Variants in FRA10AC1 observed in about 807,000 individuals in gnomAD.
FRA10AC1 encodes protein FRA10AC1.
In FRA10AC1, 43 loss-of-function variants were observed where a neutral mutation model predicts 56.5. The observed-to-expected ratio is 0.76, with a 90% CI of 0.60 to 0.98. The LOEUF is 0.98. Among genes scored for constraint, FRA10AC1 ranks in the 50% least tolerant of loss-of-function variants. FRA10AC1 has a pLI of 0.00. For synonymous variants in FRA10AC1, 112 were observed against 110.5 expected, an observed-to-expected ratio of 1.01 and a Z score of -0.09; for missense variants, 346 against 351.8, an observed-to-expected ratio of 0.98 and a Z score of 0.13.
chr10:93,682,429 A>G (rs1370043409), intron 10 of FRA10AC1, among the ~76,000 whole-genome samples: 1 of 152,218 alleles, frequency 6.6e-6, no homozygotes. Flanking sequence ...TCAAAAGTCA[A>G]GGTCAAAACA....
chr10:93,694,506 G>C (rs922986783), intron 5 of FRA10AC1, among the ~76,000 whole-genome samples: 2 of 151,914 alleles, frequency 1.3e-5, no homozygotes, highest in Non-Finnish European at 2.9e-5. Flanking sequence ...ACAAGGTCAC[G>C]AGTTCAAGAC....
intron 5 of FRA10AC1, among the ~76,000 whole-genome samples, chr10:93,693,499 TATATATATACACCATATATATATATATAC>T (rs1564820079): frequency 6.6e-5 from 7 of 106,306 alleles, no homozygotes; most frequent in Non-Finnish European, 1.1e-4. Context: ...TATATATATA[TATATATATACACCATATATATATATATAC>T]ACCATATATA....
intron 12 of FRA10AC1, chr10:93,675,371 T>C (rs1205693453): frequency 1.3e-5 from 2 of 152,176 alleles, no homozygotes; most frequent in Non-Finnish European, 2.9e-5. Context: ...ATAAATATTA[T>C]TTTAAAGTCA....
In FRA10AC1 at chr10:93,684,096, A is replaced by G. The variant is rs1452991888; in HGVS notation, c.628T>C (p.Leu210=). The change falls in exon 10 of 14, where the codon TTA becomes CTA. Residue 210 remains leucine (L), a splice_region_variant and synonymous_variant. Transcript: ENST00000359204. ...AATTTAATGGAACATTCTTGGCATA[A>G]CCCTAAAAAGAAAAGACACCACTGA... ...EKRNALVKLR[L]CQECSIKLNF... 3.1e-6 allele frequency: 5 copies of G among 1,605,668 alleles called. No individual in the cohort carries two copies. The Admixed American group carries it at 8.4e-5, about 27-fold the overall frequency.
At chr10:93,687,299 G>T in intron 8 of FRA10AC1, 105 bp downstream of exon 8, 1 of 884,412 alleles carries the variant, frequency 1.1e-6, no homozygotes, top group South Asian at 1.8e-5. Flanking sequence ...TACTTTTGTA[G>T]CTAATAATTT....
upstream of FRA10AC1, among the ~76,000 whole-genome samples, chr10:93,702,821 G>A (rs544742200): frequency 1.8e-4 from 27 of 151,648 alleles, no homozygotes; most frequent in Non-Finnish European, 3.5e-4. Flanking sequence ...ACTGCTTGCT[G>A]CTTAGCCCAC....
At chr10:93,685,131 A>T in intron 9 of FRA10AC1, 115 bp downstream of exon 9, 1 of 614,606 alleles carries the variant, frequency 1.6e-6, no homozygotes, top group South Asian at 2.0e-5. Context: ...CCAAGAAAAA[A>T]GAGCACTTCC....
upstream of FRA10AC1, among the ~76,000 whole-genome samples, chr10:93,702,818 G>A (rs1298479156): frequency 6.6e-6 from 1 of 151,710 alleles, no homozygotes; most frequent in African/African-American, 2.4e-5. Flanking sequence ...GGCACTGCTT[G>A]CTGCTTAGCC....
chr10:93,683,276 A>G (rs920883600), intron 10 of FRA10AC1, among the ~76,000 whole-genome samples: 3 of 152,206 alleles, frequency 2.0e-5, no homozygotes, highest in African/African-American at 7.2e-5. Flanking sequence ...TTCAAACCCC[A>G]TAACTGCAGG....
intron 7 of FRA10AC1, among the ~76,000 whole-genome samples, chr10:93,691,027 A>T (rs2059116426): frequency 6.6e-6 from 1 of 152,182 alleles, no homozygotes; most frequent in South Asian, 2.1e-4. Flanking sequence ...ATAGATAAAT[A>T]CAAGATAGCT....
chr10:93,687,481 G>A, intron 7 of FRA10AC1, 32 bp from the exon 8 acceptor site: 1 of 1,451,252 alleles, frequency 6.9e-7, no homozygotes, highest in Non-Finnish European at 9.3e-7. Flanking sequence ...TTATGCCAAT[G>A]TAAATTTAAA....
intron 1 of FRA10AC1, among the ~76,000 whole-genome samples, chr10:93,700,341 AAAG>A (rs1396475757): frequency 7.2e-5 from 11 of 152,226 alleles, no homozygotes; most frequent in African/African-American, 2.7e-4. Context: ...TTAGGTGAAC[AAAG>A]AAGGCTACTC....
chr10:93,692,407 A>G (rs1324618088), intron 6 of FRA10AC1, among the ~76,000 whole-genome samples: 3 of 152,200 alleles, frequency 2.0e-5, no homozygotes, highest in African/African-American at 7.2e-5. Context: ...ATATTACAAG[A>G]TAACACACAA....
At chr10:93,700,394 G>A (rs913599481) in intron 1 of FRA10AC1, among the ~76,000 whole-genome samples, 3 of 152,222 alleles carry the variant, frequency 2.0e-5, no homozygotes, top group Non-Finnish European at 2.9e-5. Context: ...AAAAGCTGCA[G>A]TGACTGCTTA....
At chr10:93,692,233 G>T in intron 6 of FRA10AC1, 140 bp from the exon 7 acceptor site, 1 of 600,096 alleles carries the variant, frequency 1.7e-6, no homozygotes, top group Non-Finnish European at 2.6e-6. Context: ...TGGAATATCT[G>T]GATATTAACT....
At chr10:93,675,767 G>T in intron 12 of FRA10AC1, 1 of 259,082 alleles carries the variant, frequency 3.9e-6, no homozygotes, top group South Asian at 3.4e-5. Flanking sequence ...ATTTCTATGA[G>T]ATAAGTCCAG....
At position 93,681,513 on chromosome 10, in the gene FRA10AC1, A is replaced by G; in HGVS notation, c.754T>C (p.Ser252Pro). The G allele has an allele frequency of 6.3e-7, 1 of 1,580,782 alleles. No individual in the cohort carries two copies. The highest frequency in any genetic ancestry group is 8.6e-7 in the Non-Finnish European group (1 of 1,168,560). ...ESSHKKSRLS[S>P]AEEASKKKDK... Reference sequence around the variant, plus strand: ...TTTTTCTTGGAGGCCTCTTCTGCAGAAGATAATCTGGATTTTTTATGTGAT... The same window carrying G: ...TTTTTCTTGGAGGCCTCTTCTGCAGGAGATAATCTGGATTTTTTATGTGAT... Residue 252 changes from serine to proline, a missense_variant, in exon 11 of 14, where the codon TCT becomes CCT. Coordinates refer to ENST00000359204, the MANE Select transcript of FRA10AC1 (RefSeq NM_145246.5).
intron 8 of FRA10AC1, 77 bp from the exon 9 acceptor site, chr10:93,685,436 A>G: frequency 1.5e-6 from 1 of 685,324 alleles, no homozygotes; most frequent in Non-Finnish European, 2.5e-6. Flanking sequence ...TACCCCTAAA[A>G]TGTACTTCTA....
In FRA10AC1 at chr10:93,669,805, C is replaced by T. The variant is rs757010573; in HGVS notation, c.*21G>A. On this transcript the variant is annotated 3_prime_UTR_variant, in exon 14 of 14. Coordinates refer to ENST00000359204, the MANE Select transcript of FRA10AC1 (RefSeq NM_145246.5). ...CTTCATGAAGTTTCACATTAAGGAG[C>T]GGAGGCTTCTCTCTCTCGTCTCATA... 2.4e-5 allele frequency: 37 copies of T among 1,517,786 alleles called. No homozygotes were observed. Among genetic ancestry groups the T allele is most frequent in the Middle Eastern group, 1.8e-4 (1 of 5,710 alleles). The allele number at this position is 1,517,786 out of a possible 1,614,324, so 94.0% of individuals were successfully genotyped here.
Sources: gnomAD v4.1 joint callset for allele counts (sites outside exome capture counted in the v4.1 genomes callset) on GRCh38, gnomAD v4.1.1 for gene constraint, MANE v1.5 for transcripts, NCBI Gene and HGNC (gene_info 2026-07-23, HGNC 2026-07-21) for gene names.